Variants in UTS2B observed in about 807,000 individuals in gnomAD.
The protein encoded by UTS2B is urotensin-2B.
In UTS2B, 21 loss-of-function variants were observed where a neutral mutation model predicts 19.2. The observed-to-expected ratio is 1.09, with a 90% CI of 0.78 to 1.58. UTS2B has a LOEUF of 1.58. Among genes scored for constraint, UTS2B ranks in the 40% most tolerant of loss-of-function variants. The pLI, the probability that UTS2B is intolerant of heterozygous loss-of-function variation, is 0.00. For missense variants in UTS2B, 138 were observed against 130.3 expected (o/e 1.06, Z -0.29); for synonymous variants, 57 against 50.2 (o/e 1.14, Z -0.58).
At chr3:191,329,933 G>A (rs1349193827) in intron 1 of UTS2B, among the ~76,000 whole-genome samples, 3 of 78,698 alleles carry the variant, frequency 3.8e-5, no homozygotes, top group African/African-American at 2.6e-4. Flanking sequence ...TTTTTCTCAA[G>A]GGGGTGGTTG....
chr3:191,288,471 C>T (rs1303684136), intron 4 of UTS2B, among the ~76,000 whole-genome samples: 1 of 152,140 alleles, frequency 6.6e-6, no homozygotes, highest in Non-Finnish European at 1.5e-5. Flanking sequence ...AAGTAAATCC[C>T]ACTGAAGATC....
intron 4 of UTS2B, among the ~76,000 whole-genome samples, chr3:191,288,137 A>C (rs1430861198): frequency 6.6e-6 from 1 of 152,192 alleles, no homozygotes; most frequent in Non-Finnish European, 1.5e-5. Context: ...ACACAAGCAA[A>C]TGGAAAGATA....
chr3:191,335,407 A>G (rs293864), upstream of UTS2B, among the ~76,000 whole-genome samples: 14,053 of 152,196 alleles, frequency 0.092, 793 homozygotes, highest in Non-Finnish European at 0.13. Context: ...AAAATGTAAA[A>G]TTAGAATAAC....
At chr3:191,319,280 C>T (rs1273071689) in intron 2 of UTS2B, among the ~76,000 whole-genome samples, 4 of 152,196 alleles carry the variant, frequency 2.6e-5, no homozygotes, top group Non-Finnish European at 4.4e-5. Flanking sequence ...ATCATTGTCT[C>T]TCGCCTACAC....
At chr3:191,270,399 T>C (rs1038944451) in intron 8 of UTS2B, among the ~76,000 whole-genome samples, 1 of 152,162 alleles carries the variant, frequency 6.6e-6, no homozygotes. Flanking sequence ...AGCCTCCCTA[T>C]ATTGGCCAGG....
upstream of UTS2B, among the ~76,000 whole-genome samples, chr3:191,333,953 A>G (rs1389918931): frequency 1.3e-5 from 2 of 152,140 alleles, no homozygotes; most frequent in Non-Finnish European, 2.9e-5. Flanking sequence ...AAAGAAAGTA[A>G]TTTGTTGCTT....
the UTS2B span, among the ~76,000 whole-genome samples, chr3:191,346,011 G>A: frequency 6.6e-6 from 1 of 152,218 alleles, no homozygotes; most frequent in Non-Finnish European, 1.5e-5. Flanking sequence ...TTGCAGTAAA[G>A]AGCTGGTATA....
chr3:191,338,480 AG>A, the UTS2B span, among the ~76,000 whole-genome samples: 1 of 152,166 alleles, frequency 6.6e-6, no homozygotes, highest in African/African-American at 2.4e-5. Context: ...TCTTTTGGAA[AG>A]GGCTATTCAC....
At chr3:191,300,530 A>G (rs1716970081) in intron 4 of UTS2B, among the ~76,000 whole-genome samples, 1 of 152,210 alleles carries the variant, frequency 6.6e-6, no homozygotes, top group Non-Finnish European at 1.5e-5. Context: ...TCCTGGAATG[A>G]GTTAAGACTT....
At chr3:191,329,334 C>G (rs931787701) in intron 1 of UTS2B, 1 of 277,974 alleles carries the variant, frequency 3.6e-6, no homozygotes, top group Non-Finnish European at 6.6e-6. Context: ...TCCCCCTCCC[C>G]CAGCCGGCCC....
the UTS2B span, among the ~76,000 whole-genome samples, chr3:191,339,530 C>A: frequency 6.6e-6 from 1 of 152,124 alleles, no homozygotes; most frequent in Admixed American, 6.5e-5. Context: ...GATAACCAAG[C>A]AAACTGTAGG....
At position 191,276,929 on chromosome 3, in the gene UTS2B, T is replaced by C. The variant is rs1209905039; in HGVS notation, c.203-85A>G. 2.5e-6 allele frequency: 3 copies of C among 1,188,370 alleles called. No homozygotes were observed. The African/African-American group carries it at 4.6e-5, about 18-fold the overall frequency. The allele number at this position is 1,188,370 out of a possible 1,614,324, so 73.6% of individuals were successfully genotyped here. A position where few individuals can be genotyped will look rare whatever the true frequency, so the allele number is the denominator to read the frequency against. ...CAGTACACACATTTAAGATCTTACG[T>C]AGAAAGCATAGGTCTTTTTCATATG... On this transcript the variant is annotated intron_variant, in intron 6 of 8. Transcript: ENST00000340524.
chr3:191,283,183 T>G (rs1453264810), intron 4 of UTS2B, among the ~76,000 whole-genome samples: 3 of 152,204 alleles, frequency 2.0e-5, no homozygotes. Flanking sequence ...AAATCTAAAT[T>G]ACTTAGTTTG....
intron 8 of UTS2B, among the ~76,000 whole-genome samples, chr3:191,272,595 T>G (rs2108567003): frequency 6.6e-6 from 1 of 152,314 alleles, no homozygotes. Flanking sequence ...GCATGGTGGC[T>G]CATGCCTGTA....
chr3:191,282,242 G>A lies in UTS2B; in HGVS notation c.-53C>T. ...AGAAACAGACTTTCCAGGTCAAGAT[G>A]GATATTTCTATAGCTTTGGAATTCA... On this transcript the variant is annotated 5_prime_UTR_variant, in exon 5 of 9. Transcript: ENST00000340524. 1 of 1,372,742 alleles carries A rather than the reference G, an allele frequency of 7.3e-7. No homozygotes were observed. 85.0% of individuals were successfully genotyped at this position (1,372,742 alleles called of 1,614,324 possible).
intron 2 of UTS2B, among the ~76,000 whole-genome samples, chr3:191,320,692 T>C (rs1243021790): frequency 6.6e-6 from 1 of 152,172 alleles, no homozygotes; most frequent in Non-Finnish European, 1.5e-5. Context: ...ATTTTAAAGC[T>C]TGAGTTGACT....
At chr3:191,310,803 A>C (rs746645927) in intron 3 of UTS2B, among the ~76,000 whole-genome samples, 9 of 152,220 alleles carry the variant, frequency 5.9e-5, no homozygotes, top group Non-Finnish European at 1.2e-4. Context: ...TTTTACAGAG[A>C]TTGAACAGAT....
chr3:191,280,672 G>A (rs1388108864), intron 5 of UTS2B, among the ~76,000 whole-genome samples: 1 of 152,080 alleles, frequency 6.6e-6, no homozygotes, highest in Non-Finnish European at 1.5e-5. Context: ...GCATTCTGAG[G>A]TCAGAGGTGT....
intron 7 of UTS2B, among the ~76,000 whole-genome samples, chr3:191,276,394 C>T (rs770044108): frequency 6.6e-6 from 1 of 152,162 alleles, no homozygotes; most frequent in Non-Finnish European, 1.5e-5. Context: ...AACAGCTTGA[C>T]TTTTACATGT....
Sources: allele counts gnomAD v4.1 joint callset (sites outside exome capture counted in the v4.1 genomes callset), GRCh38; gene constraint gnomAD v4.1.1; transcripts MANE v1.5; gene names NCBI Gene and HGNC (gene_info 2026-07-23, HGNC 2026-07-21).